The following FOXK1 variants were observed in gnomAD, a reference collection of about 807,000 sequenced individuals.
FOXK1 encodes forkhead box K1.
A neutral mutation model predicts 51.9 loss-of-function variants in FOXK1; 19 were observed. That is an observed-to-expected ratio of 0.37 (90% CI 0.26 to 0.54). The LOEUF (loss-of-function observed/expected upper bound fraction) is 0.54, where lower values mean the gene tolerates loss of function less well. FOXK1 is among the 20% of genes least tolerant of loss of function. FOXK1 has a pLI of 0.87. For missense variants in FOXK1, 870 were observed against 1,032.7 expected (o/e 0.84, Z 2.16); for synonymous variants, 537 against 482.6 (o/e 1.11, Z -1.48).
chr7:4,697,272 C>T (rs955250510), intron 1 of FOXK1, among the ~76,000 whole-genome samples: 2 of 152,180 alleles, frequency 1.3e-5, no homozygotes, highest in Non-Finnish European at 1.5e-5. Flanking sequence ...AGCTCAGTCT[C>T]CGGCCACTCC....
At chr7:4,716,029 C>T (rs996465703) in intron 1 of FOXK1, among the ~76,000 whole-genome samples, 18 of 152,084 alleles carry the variant, frequency 1.2e-4, no homozygotes, top group African/African-American at 3.4e-4. Context: ...GTAAGGAGTT[C>T]AAGACCAGTT....
chr7:4,705,973 CGTATATAT>C (rs1780088463), intron 1 of FOXK1, among the ~76,000 whole-genome samples: 2 of 70,924 alleles, frequency 2.8e-5, no homozygotes, highest in South Asian at 3.9e-4. Flanking sequence ...TATATATATA[CGTATATAT>C]ACGTATATAT....
chr7:4,719,383 T>TC (rs1780280366), intron 1 of FOXK1, among the ~76,000 whole-genome samples: 1 of 151,384 alleles, frequency 6.6e-6, no homozygotes, highest in Admixed American at 6.6e-5. Context: ...CAAATGATCC[T>TC]CCCGCCTCTG....
chr7:4,712,426 G>A (rs1048655952), intron 1 of FOXK1, among the ~76,000 whole-genome samples: 9 of 152,104 alleles, frequency 5.9e-5, no homozygotes, highest in East Asian at 3.9e-4. Context: ...GACGCCTTTC[G>A]CCTTACGTCA....
At position 4,757,038 on chromosome 7, in the gene FOXK1, A is replaced by G; in HGVS notation, c.1095A>G (p.Lys365=). The change falls in exon 5 of 9, where the codon AAA becomes AAG. Residue 365 remains lysine, a synonymous_variant. Transcript: ENST00000328914. ...HNLSLNRYFI[K]VPRSQEEPGK... The stretch of plus-strand genomic sequence containing the variant: ...TCTCTTTGAACCGTTACTTTATCAA[A>G]GTCCCACGTTCCCAGGAGGAGCCTG... 6.2e-7 allele frequency: 1 copy of G among 1,613,942 alleles called. No individual in the cohort carries two copies. Among genetic ancestry groups the G allele is most frequent in the Non-Finnish European group, 8.5e-7 (1 of 1,179,972 alleles).
chr7:4,712,041 G>T (rs1780181025), intron 1 of FOXK1, among the ~76,000 whole-genome samples: 1 of 151,476 alleles, frequency 6.6e-6, no homozygotes, highest in African/African-American at 2.4e-5. Context: ...ATATTCAGAG[G>T]TGGATCATCT....
At chr7:4,725,156 C>T (rs757244424) in intron 1 of FOXK1, among the ~76,000 whole-genome samples, 10 of 152,244 alleles carry the variant, frequency 6.6e-5, no homozygotes, top group Admixed American at 2.0e-4. Context: ...CCTGCAGGCG[C>T]GCGTTCTCTC....
At chr7:4,705,554 T>TCGCTCTCGCTCTCGCTCTCTCG (rs1554249287) in intron 1 of FOXK1, among the ~76,000 whole-genome samples, 2 of 131,514 alleles carry the variant, frequency 1.5e-5, no homozygotes, top group African/African-American at 6.3e-5. Flanking sequence ...TCTCTCTCTC[T>TCGCTCTCGCTCTCGCTCTCTCG]CTCTCGCTCT....
rs56911085 is a variant in FOXK1 at position 4,735,435 on chromosome 7, C to T, written c.561-5403C>T. The stretch of plus-strand genomic sequence containing the variant: ...TTTTCAGCGCATTCGCAGAGTTGCG[C>T]GGCCACCAAGTCAACTTCGGAACAT... On this transcript the variant is annotated intron_variant, in intron 1 of 8. Coordinates refer to ENST00000328914, the MANE Select transcript of FOXK1 (RefSeq NM_001037165.2). The surrounding 1 kb of genome is among the most constrained non-coding windows in gnomAD (Gnocchi z 4.7). 5.6e-3 allele frequency among the ~76,000 whole-genome samples: 859 copies of T among 152,284 alleles called. 7 individuals are homozygous for T. Among genetic ancestry groups the T allele is most frequent in the African/African-American group, 0.02 (811 of 41,546 alleles).
rs113752601 is a variant in FOXK1 at position 4,702,360 on chromosome 7, T to G, written c.560+19492T>G. On this transcript the variant is annotated intron_variant, in intron 1 of 8. Coordinates refer to ENST00000328914, the MANE Select transcript of FOXK1 (RefSeq NM_001037165.2). ...GGTTTTTTTATTTATTTATTTTTTT[T>G]GAGATAGAGTCTCACTCTGTCGCCC... Among the ~76,000 whole-genome samples, 1,050 of 152,252 alleles carry G rather than the reference T, an allele frequency of 6.9e-3. 14 individuals are homozygous for G. Among genetic ancestry groups the G allele is most frequent in the African/African-American group, 0.024 (999 of 41,546 alleles).
At position 4,730,593 on chromosome 7, in the gene FOXK1, G is replaced by A. The variant is rs1375857157; in HGVS notation, c.561-10245G>A. The stretch of plus-strand genomic sequence containing the variant: ...CAGCCCCCGCCCCGCCTTCAAGTTT[G>A]TGCCTTATTTTCCAAAGCCGCCACA... On this transcript the variant is annotated intron_variant, in intron 1 of 8. Coordinates refer to ENST00000328914, the MANE Select transcript of FOXK1 (RefSeq NM_001037165.2). This position sits in a 1 kb window ranked among gnomAD's most constrained non-coding sequence, Gnocchi z 4.7. Among the ~76,000 whole-genome samples the A allele has an allele frequency of 6.6e-6, 1 of 152,172 alleles. No individual in the cohort carries two copies. The highest frequency in any genetic ancestry group is 1.9e-4 in the East Asian group (1 of 5,184).
intron 1 of FOXK1, among the ~76,000 whole-genome samples, chr7:4,691,459 C>G (rs888380948): frequency 2.4e-4 from 37 of 152,112 alleles, no homozygotes; most frequent in African/African-American, 8.9e-4. Flanking sequence ...CCCAGCCTCC[C>G]GAGTAGCTGG....
At chr7:4,696,942 C>G (rs531487716) in intron 1 of FOXK1, among the ~76,000 whole-genome samples, 1 of 152,304 alleles carries the variant, frequency 6.6e-6, no homozygotes, top group East Asian at 1.9e-4. Flanking sequence ...GTGGTGTGCT[C>G]CTGTAGTCCC....
intron 1 of FOXK1, among the ~76,000 whole-genome samples, chr7:4,702,568 C>G (rs1780034224): frequency 6.6e-6 from 1 of 152,222 alleles, no homozygotes; most frequent in African/African-American, 2.4e-5. Flanking sequence ...TGGTCTCAAA[C>G]TCCTGACCTC....
rs370154500 is a variant in FOXK1, at chr7:4,706,056, A to G, written c.560+23188A>G. 2.6e-4 allele frequency among the ~76,000 whole-genome samples: 32 copies of G among 121,104 alleles called. 1 individual carries two copies. Among genetic ancestry groups the G allele is most frequent in the Admixed American group, 5.3e-4 (7 of 13,238 alleles). The allele number at this position is 121,104 out of a possible 152,430, so 79.4% of individuals were successfully genotyped here. On this transcript the variant is annotated intron_variant, in intron 1 of 8. Coordinates refer to ENST00000328914, the MANE Select transcript of FOXK1 (RefSeq NM_001037165.2). ...TACGTGTATATACGTGTATATATGT[A>G]TATATATGTGTATATATGTATATAT...
chr7:4,725,863 C>T (rs1223656264), intron 1 of FOXK1, among the ~76,000 whole-genome samples: 1 of 152,196 alleles, frequency 6.6e-6, no homozygotes, highest in Non-Finnish European at 1.5e-5. Context: ...TGGGCGTGGG[C>T]TGGGGCTTCT....
Position 4,683,299 on chromosome 7 carries a change from C to T in FOXK1, c.560+431C>T, listed in dbSNP as rs1341049162. On this transcript the variant is annotated intron_variant, in intron 1 of 8. Transcript: ENST00000328914. The surrounding 1 kb of genome is among the most constrained non-coding windows in gnomAD (Gnocchi z 4.5). Reference sequence around the variant, plus strand: ...AGACCCCTGACCCAGATCCCTGCTGCTCCCCAGCTCCCATCGGCCTGGACT... The same window carrying T: ...AGACCCCTGACCCAGATCCCTGCTGTTCCCCAGCTCCCATCGGCCTGGACT... 6.6e-6 allele frequency among the ~76,000 whole-genome samples: 1 copy of T among 151,482 alleles called. No homozygotes were observed. The highest frequency in any genetic ancestry group is 2.4e-5 in the African/African-American group (1 of 41,178).
At chr7:4,710,525 C>A (rs1047837418) in intron 1 of FOXK1, among the ~76,000 whole-genome samples, 1 of 152,154 alleles carries the variant, frequency 6.6e-6, no homozygotes, top group Non-Finnish European at 1.5e-5. Context: ...CAGTGAGCCT[C>A]AATCGCGCCA....
Position 4,749,128 on chromosome 7 carries a change from CTT to C in FOXK1, c.747-5330_747-5329del, listed in dbSNP as rs748843238. ...CACCCTTTCTTGGATTTGTATTTCT[CTT>C]CTTTTGAATTCTTATTTTTTAATTT... On this transcript the variant is annotated intron_variant, in intron 2 of 8. Transcript: ENST00000328914. This position sits in a 1 kb window ranked among gnomAD's most constrained non-coding sequence, Gnocchi z 6.0. Among the ~76,000 whole-genome samples the C allele has an allele frequency of 2.0e-5, 3 of 152,162 alleles. No homozygotes were observed. Among genetic ancestry groups the C allele is most frequent in the Non-Finnish European group, 2.9e-5 (2 of 68,034 alleles).
Sources: gnomAD v4.1 joint callset for allele counts (sites outside exome capture counted in the v4.1 genomes callset) on GRCh38, gnomAD v4.1.1 for gene constraint, Gnocchi (gnomAD v3.1) non-coding constraint, MANE v1.5 for transcripts, NCBI Gene and HGNC (gene_info 2026-07-23, HGNC 2026-07-21) for gene names.